Variants in PTPRN2 observed in about 807,000 individuals in gnomAD.
The protein encoded by PTPRN2 is protein tyrosine phosphatase receptor type N2.
PTPRN2 carries 74 observed loss-of-function variants against 118.8 expected under a neutral mutation model. The observed-to-expected ratio is 0.62, with a 90% CI of 0.52 to 0.76. The LOEUF (loss-of-function observed/expected upper bound fraction) is 0.76. Ranked by LOEUF, PTPRN2 falls within the 30% of genes least tolerant of loss-of-function variation. PTPRN2 has a pLI of 0.00. For missense variants in PTPRN2, 1,481 were observed against 1,394.4 expected, an observed-to-expected ratio of 1.06 and a Z score of -0.99; for synonymous variants, 641 against 608.0, an observed-to-expected ratio of 1.05 and a Z score of -0.80.
At chr7:158,062,196 C>T (rs1208485900) in intron 11 of PTPRN2, among the ~76,000 whole-genome samples, 1 of 152,224 alleles carries the variant, frequency 6.6e-6, no homozygotes, top group African/African-American at 2.4e-5. Context: ...GAGCGTTGGC[C>T]CAGTTCACAG....
intron 11 of PTPRN2, among the ~76,000 whole-genome samples, chr7:158,010,216 G>A (rs1349045023): frequency 6.6e-6 from 1 of 152,062 alleles, no homozygotes; most frequent in Non-Finnish European, 1.5e-5. Context: ...CCACTACCAC[G>A]AGATCCTGGG....
At chr7:157,834,071 C>A (rs56846443) in intron 12 of PTPRN2, among the ~76,000 whole-genome samples, 17,813 of 147,424 alleles carry the variant, frequency 0.12, 2,208 homozygotes, top group African/African-American at 0.31. Context: ...GAGCCAGCAG[C>A]ATTCCCTGTG....
At chr7:157,767,374 A>G (rs1047093846) in intron 12 of PTPRN2, among the ~76,000 whole-genome samples, 1 of 152,214 alleles carries the variant, frequency 6.6e-6, no homozygotes, top group African/African-American at 2.4e-5. Flanking sequence ...ACTGACTGCC[A>G]TGTTATCTGT....
At chr7:158,571,650 C>T (rs773007693) in intron 1 of PTPRN2, among the ~76,000 whole-genome samples, 1 of 148,582 alleles carries the variant, frequency 6.7e-6, no homozygotes, top group African/African-American at 2.5e-5. Flanking sequence ...GGATCAAATG[C>T]GTGGTTTGAC....
At position 157,928,700 on chromosome 7, in the gene PTPRN2, G is replaced by A. The variant is rs372287800; in HGVS notation, c.1724-29963C>T. On this transcript the variant is annotated intron_variant, in intron 11 of 22. Coordinates refer to ENST00000389418, the MANE Select transcript of PTPRN2 (RefSeq NM_002847.5). ...ATGAAGAGAGGGCAGCACAGAGGGC[G>A]GGATAGGGGTGGGGTGGGGAGGGGG... Among the ~76,000 whole-genome samples the A allele has an allele frequency of 4.9e-5, 7 of 143,026 alleles. No homozygotes were observed. The East Asian group carries it at 1.2e-3, about 24-fold the overall frequency. 93.8% of individuals were successfully genotyped at this position (143,026 alleles called of 152,430 possible).
chr7:157,645,643 C>G (rs565360371), intron 14 of PTPRN2, among the ~76,000 whole-genome samples: 3 of 152,278 alleles, frequency 2.0e-5, no homozygotes, highest in African/African-American at 7.2e-5. Flanking sequence ...AGGGTGGGGC[C>G]GGGCTGTACA....
intron 21 of PTPRN2, among the ~76,000 whole-genome samples, chr7:157,564,217 C>T (rs182916003): frequency 5.9e-5 from 9 of 152,302 alleles, no homozygotes; most frequent in South Asian, 4.1e-4. Context: ...CTGCAACCTC[C>T]GCCTCCCGGG....
rs4997846 is a variant in PTPRN2 at position 158,319,420 on chromosome 7, A to C, written c.164-2488T>G. Among the ~76,000 whole-genome samples the C allele has an allele frequency of 2.7e-3, 115 of 42,942 alleles. 3 individuals carry two copies. Among genetic ancestry groups the C allele is most frequent in the African/African-American group, 7.9e-3 (57 of 7,242 alleles). The allele number at this position is 42,942 out of a possible 152,430, so 28.2% of individuals were successfully genotyped here. On this transcript the variant is annotated intron_variant, in intron 2 of 22. Transcript: ENST00000389418. ...CTCCCACACACACACACAGCCTCCC[A>C]CACACACACACACACAGCCTCCCTC... is the stretch of plus-strand genomic sequence containing the variant.
At chr7:158,179,069 T>C (rs975991197) in intron 5 of PTPRN2, among the ~76,000 whole-genome samples, 1 of 152,240 alleles carries the variant, frequency 6.6e-6, no homozygotes, top group African/African-American at 2.4e-5. Flanking sequence ...TAGTTCTTTA[T>C]GAAATCTCCA....
intron 12 of PTPRN2, among the ~76,000 whole-genome samples, chr7:157,703,796 C>A (rs1798196653): frequency 6.6e-6 from 1 of 152,164 alleles, no homozygotes; most frequent in Non-Finnish European, 1.5e-5. Flanking sequence ...ACTGGCAGGT[C>A]AGGAGGCCCG....
At chr7:158,332,961 C>G (rs866603636) in intron 2 of PTPRN2, among the ~76,000 whole-genome samples, 5 of 147,262 alleles carry the variant, frequency 3.4e-5, no homozygotes, top group Non-Finnish European at 7.4e-5. Context: ...CACCCACAGT[C>G]TCACCATAAG....
chr7:158,260,483 G>C (rs760169322), intron 3 of PTPRN2, among the ~76,000 whole-genome samples: 15 of 152,150 alleles, frequency 9.9e-5, no homozygotes, highest in Non-Finnish European at 1.6e-4. Context: ...AACCGGATAC[G>C]ACTTCTTCAG....
intron 12 of PTPRN2, among the ~76,000 whole-genome samples, chr7:157,722,819 C>A (rs766667838): frequency 6.6e-6 from 1 of 151,534 alleles, no homozygotes. Flanking sequence ...GTGAGCGAGG[C>A]GGTGCAGGGT....
intron 10 of PTPRN2, among the ~76,000 whole-genome samples, chr7:158,086,610 A>C (rs1276806591): frequency 6.6e-6 from 1 of 152,214 alleles, no homozygotes; most frequent in Non-Finnish European, 1.5e-5. Flanking sequence ...CGAAAAGCAC[A>C]AAAAATGTGG....
intron 5 of PTPRN2, among the ~76,000 whole-genome samples, chr7:158,187,927 G>A (rs968807189): frequency 1.3e-5 from 2 of 152,162 alleles, no homozygotes; most frequent in East Asian, 3.9e-4. Context: ...CCTGGCTGCT[G>A]GTGGAATATT....
intron 12 of PTPRN2, among the ~76,000 whole-genome samples, chr7:157,877,623 G>C (rs1457180595): frequency 6.6e-6 from 1 of 152,164 alleles, no homozygotes; most frequent in Non-Finnish European, 1.5e-5. Flanking sequence ...AAAGAGGAAG[G>C]TGATGTCTCT....
intron 12 of PTPRN2, among the ~76,000 whole-genome samples, chr7:157,706,504 C>A (rs1585274185): frequency 6.6e-6 from 1 of 151,862 alleles, no homozygotes; most frequent in East Asian, 2.0e-4. Context: ...CAACAGGGAC[C>A]ACATCCCTCT....
chr7:158,546,884 C>T lies in PTPRN2; in HGVS notation c.112+40674G>A, dbSNP rs931300627. Among the ~76,000 whole-genome samples the T allele has an allele frequency of 1.3e-5, 2 of 152,222 alleles. No homozygotes were observed. The highest frequency in any genetic ancestry group is 2.4e-5 in the African/African-American group (1 of 41,462). Reference sequence around the variant, plus strand: ...TAACGCTGGGGCTGCCTTCATCTCACGCATGCTGGGCAGCCTGGGCACCTG... The same window carrying T: ...TAACGCTGGGGCTGCCTTCATCTCATGCATGCTGGGCAGCCTGGGCACCTG... On this transcript the variant is annotated intron_variant, in intron 1 of 22. Transcript: ENST00000389418. The surrounding 1 kb of genome is among the most constrained non-coding windows in gnomAD (Gnocchi z 5.0).
intron 2 of PTPRN2, among the ~76,000 whole-genome samples, chr7:158,422,415 G>C (rs1815328483): frequency 6.6e-6 from 1 of 152,144 alleles, no homozygotes; most frequent in South Asian, 2.1e-4. Flanking sequence ...TTCAAATCTG[G>C]ACACGGAATT....
Sources: gnomAD v4.1 joint callset for allele counts (sites outside exome capture counted in the v4.1 genomes callset) on GRCh38, gnomAD v4.1.1 for gene constraint, Gnocchi (gnomAD v3.1) non-coding constraint, MANE v1.5 for transcripts, NCBI Gene and HGNC (gene_info 2026-07-23, HGNC 2026-07-21) for gene names.